LRRC37A2: variants seen among roughly 807,000 people sequenced by gnomAD.
LRRC37A2 encodes the protein leucine rich repeat containing 37 member A2.
LRRC37A2 carries 9 observed loss-of-function variants against 68.8 expected under a neutral mutation model. The ratio of observed to expected loss-of-function variants is 0.13; its 90% CI spans 0.08 to 0.23. The LOEUF (loss-of-function observed/expected upper bound fraction) is 0.23, where lower values mean the gene tolerates loss of function less well. Ranked by LOEUF, LRRC37A2 falls within the 10% of genes least tolerant of loss-of-function variation. The pLI is 1.00. For missense variants in LRRC37A2, 168 were observed against 950.4 expected (o/e 0.18, Z 10.82); for synonymous variants, 63 against 367.6 (o/e 0.17, Z 9.48).
chr17:46,501,134 C>T, the LRRC37A2 span, among the ~76,000 whole-genome samples: 5 of 151,294 alleles, frequency 3.3e-5, no homozygotes, highest in Non-Finnish European at 4.4e-5. Context: ...AAGCAATCCT[C>T]CTGCCTCAGC....
chr17:46,941,859 T>TA, the LRRC37A2 span: 1 of 890,364 alleles, frequency 1.1e-6, no homozygotes. Flanking sequence ...GTTCTAGGGT[T>TA]ACAGGTGTTA....
At chr17:46,804,235 G>A in the LRRC37A2 span, among the ~76,000 whole-genome samples, 1 of 151,798 alleles carries the variant, frequency 6.6e-6, no homozygotes, top group East Asian at 1.9e-4. Context: ...CTACAGGTGC[G>A]TGCCACCACA....
intron 6 of LRRC37A2, among the ~76,000 whole-genome samples, chr17:46,530,327 C>T (rs1238372544): frequency 1.5e-5 from 2 of 134,356 alleles, no homozygotes; most frequent in African/African-American, 5.4e-5. Flanking sequence ...ATATTTAAAG[C>T]CCTAGTTTGA....
At chr17:46,726,710 T>C in the LRRC37A2 span, 1 of 1,084,270 alleles carries the variant, frequency 9.2e-7, no homozygotes, top group Admixed American at 1.7e-5. Context: ...TTATAAACTG[T>C]AAAGCAATAG....
At chr17:46,902,459 T>TAC in the LRRC37A2 span, among the ~76,000 whole-genome samples, 2 of 96,740 alleles carry the variant, frequency 2.1e-5, no homozygotes, top group Non-Finnish European at 4.3e-5. Flanking sequence ...AAGGGAACAG[T>TAC]GCGTGTGTGT....
the LRRC37A2 span, among the ~76,000 whole-genome samples, chr17:46,908,974 AG>A: frequency 6.6e-6 from 1 of 152,192 alleles, no homozygotes; most frequent in African/African-American, 2.4e-5. Context: ...GTCTGGTGGA[AG>A]AAGTACCATC....
the LRRC37A2 span, among the ~76,000 whole-genome samples, chr17:46,952,290 A>G: frequency 6.6e-6 from 1 of 152,226 alleles, no homozygotes; most frequent in African/African-American, 2.4e-5. Context: ...GGCCTGGTCC[A>G]TGCAGGACTG....
the LRRC37A2 span, among the ~76,000 whole-genome samples, chr17:46,767,102 C>T: frequency 6.6e-6 from 1 of 152,104 alleles, no homozygotes; most frequent in African/African-American, 2.4e-5. Context: ...AAGGGCACCC[C>T]AGCCTTAAAA....
chr17:46,895,547 C>T, the LRRC37A2 span, among the ~76,000 whole-genome samples: 4 of 152,272 alleles, frequency 2.6e-5, no homozygotes, highest in South Asian at 8.3e-4. Flanking sequence ...GCATTCTGTC[C>T]CCGCCATTGT....
At chr17:46,766,756 T>A in the LRRC37A2 span, among the ~76,000 whole-genome samples, 1 of 152,170 alleles carries the variant, frequency 6.6e-6, no homozygotes, top group Non-Finnish European at 1.5e-5. Context: ...GGCACAGACA[T>A]GTGCCAGTAG....
the LRRC37A2 span, chr17:46,755,910 T>C: frequency 7.6e-7 from 1 of 1,315,592 alleles, no homozygotes; most frequent in Non-Finnish European, 1.1e-6. Context: ...CTCAAGATAC[T>C]GGACTAAGTG....
At chr17:46,818,629 C>G in the LRRC37A2 span, 1 of 1,567,618 alleles carries the variant, frequency 6.4e-7, no homozygotes, top group Non-Finnish European at 8.7e-7. Flanking sequence ...AGTTTGCCCG[C>G]GACCATGAAG....
chr17:46,872,210 C>T, the LRRC37A2 span, among the ~76,000 whole-genome samples: 1 of 152,182 alleles, frequency 6.6e-6, no homozygotes, highest in African/African-American at 2.4e-5. Flanking sequence ...AGCATGGATC[C>T]TGGGAAAGCG....
At chr17:46,803,020 C>G in the LRRC37A2 span, among the ~76,000 whole-genome samples, 1 of 152,144 alleles carries the variant, frequency 6.6e-6, no homozygotes, top group African/African-American at 2.4e-5. Flanking sequence ...GGGAGGCTGT[C>G]CTGGGAACTA....
At chr17:46,876,161 C>T in the LRRC37A2 span, 1 of 1,309,656 alleles carries the variant, frequency 7.6e-7, no homozygotes, top group Non-Finnish European at 1.0e-6. Context: ...CTGCCTCTGC[C>T]CTGCTGGGGT....
the LRRC37A2 span, among the ~76,000 whole-genome samples, chr17:46,944,191 G>T: frequency 6.6e-6 from 1 of 152,224 alleles, no homozygotes; most frequent in African/African-American, 2.4e-5. Context: ...CCTGGCATGT[G>T]TCCAGTGCCA....
At chr17:47,028,146 C>T in the LRRC37A2 span, 1 of 695,856 alleles carries the variant, frequency 1.4e-6, no homozygotes, top group Non-Finnish European at 2.6e-6. Context: ...GTATCTTCCA[C>T]AGTGAGATTT....
chr17:46,936,364 T>C, the LRRC37A2 span: 143 of 985,330 alleles, frequency 1.5e-4, 3 homozygotes, highest in South Asian at 6.4e-3. Context: ...CCCACTCAAG[T>C]CTGGCAGCGC....
chr17:46,679,692 CAA>C, the LRRC37A2 span, among the ~76,000 whole-genome samples: 46 of 101,384 alleles, frequency 4.5e-4, no homozygotes, highest in Non-Finnish European at 6.5e-4. Flanking sequence ...AACTCCATGT[CAA>C]AAAAAAAAAA....
Sources: allele counts gnomAD v4.1 joint callset (sites outside exome capture counted in the v4.1 genomes callset), GRCh38; gene constraint gnomAD v4.1.1; transcripts MANE v1.5; gene names NCBI Gene and HGNC (gene_info 2026-07-23, HGNC 2026-07-21).